Variants in DLG2 observed in about 807,000 individuals in gnomAD.
DLG2 encodes the protein discs large MAGUK scaffold protein 2, also known as disks large homolog 2.
A neutral mutation model predicts 132.5 loss-of-function variants in DLG2; 45 were observed. That is an observed-to-expected ratio of 0.34 (90% CI 0.27 to 0.44). DLG2 has a LOEUF of 0.44. Ranked by LOEUF, DLG2 falls within the 20% of genes least tolerant of loss-of-function variation. The pLI is 1.00. For missense variants in DLG2, 1,045 were observed against 1,196.9 expected, an observed-to-expected ratio of 0.87 and a Z score of 1.87; for synonymous variants, 424 against 419.6, an observed-to-expected ratio of 1.01 and a Z score of -0.13.
At chr11:85,484,668 G>C (rs915889438) in intron 3 of DLG2, among the ~76,000 whole-genome samples, 1 of 152,074 alleles carries the variant, frequency 6.6e-6, no homozygotes, top group African/African-American at 2.4e-5. Context: ...CCTCACGCCA[G>C]TTAGAATGGC....
At chr11:83,564,102 G>GTTTTTTTTT (rs5793072) in intron 19 of DLG2, among the ~76,000 whole-genome samples, 2 of 146,382 alleles carry the variant, frequency 1.4e-5, no homozygotes, top group African/African-American at 2.5e-5. Flanking sequence ...TTTTTCATGT[G>GTTTTTTTTT]TTTTTTTTTT....
intron 4 of DLG2, among the ~76,000 whole-genome samples, chr11:85,183,540 G>A (rs970287802): frequency 6.6e-6 from 1 of 151,854 alleles, no homozygotes; most frequent in African/African-American, 2.4e-5. Flanking sequence ...ACCATTGCCA[G>A]GGGGATTTAT....
At chr11:83,609,703 A>G (rs1467375682) in intron 19 of DLG2, among the ~76,000 whole-genome samples, 1 of 152,150 alleles carries the variant, frequency 6.6e-6, no homozygotes, top group Non-Finnish European at 1.5e-5. Context: ...ATAACCTGAA[A>G]TTTGAAATTC....
chr11:84,378,279 G>A (rs1348824711), intron 7 of DLG2, among the ~76,000 whole-genome samples: 1 of 152,088 alleles, frequency 6.6e-6, no homozygotes, highest in African/African-American at 2.4e-5. Flanking sequence ...TGGATGCACT[G>A]CATACACACA....
At chr11:84,549,376 T>G (rs1484323660) in intron 6 of DLG2, among the ~76,000 whole-genome samples, 1 of 152,216 alleles carries the variant, frequency 6.6e-6, no homozygotes, top group Non-Finnish European at 1.5e-5. Context: ...GTCTGACTAA[T>G]CCACCAGCTG....
At chr11:85,333,354 G>A (rs2081905669) in intron 3 of DLG2, among the ~76,000 whole-genome samples, 1 of 152,114 alleles carries the variant, frequency 6.6e-6, no homozygotes, top group Non-Finnish European at 1.5e-5. Context: ...AGACTATAGG[G>A]TTGTCTGGGT....
At chr11:84,861,731 A>C (rs2083727475) in intron 6 of DLG2, among the ~76,000 whole-genome samples, 1 of 151,610 alleles carries the variant, frequency 6.6e-6, no homozygotes, top group South Asian at 2.1e-4. Flanking sequence ...TAATATCCAG[A>C]ATCTATAAGG....
At chr11:84,610,878 T>C (rs1254573741) in intron 6 of DLG2, among the ~76,000 whole-genome samples, 1 of 152,114 alleles carries the variant, frequency 6.6e-6, no homozygotes, top group African/African-American at 2.4e-5. Flanking sequence ...CTGTTTCCTC[T>C]GCCTGAAATA....
intron 7 of DLG2, among the ~76,000 whole-genome samples, chr11:84,521,887 A>T (rs1286904279): frequency 6.6e-6 from 1 of 152,198 alleles, no homozygotes; most frequent in Non-Finnish European, 1.5e-5. Flanking sequence ...TGGGCTGGGC[A>T]TGGTGGCTCA....
At chr11:85,226,017 T>C (rs770780012) in intron 4 of DLG2, among the ~76,000 whole-genome samples, 3 of 152,072 alleles carry the variant, frequency 2.0e-5, no homozygotes, top group Non-Finnish European at 4.4e-5. Context: ...TTATCTCTGA[T>C]TCCTTCCTTA....
chr11:85,073,184 AC>A (rs2066104962), intron 6 of DLG2, among the ~76,000 whole-genome samples: 1 of 151,752 alleles, frequency 6.6e-6, no homozygotes, highest in Non-Finnish European at 1.5e-5. Context: ...ATACAGACAG[AC>A]CCCTAAACCT....
chr11:84,306,134 C>G (rs1028535286), intron 7 of DLG2, among the ~76,000 whole-genome samples: 6 of 149,646 alleles, frequency 4.0e-5, no homozygotes, highest in Admixed American at 2.7e-4. Flanking sequence ...AGATTTCACA[C>G]GTTTTTTTCA....
At chr11:84,390,032 G>A (rs2098786696) in intron 7 of DLG2, among the ~76,000 whole-genome samples, 1 of 152,032 alleles carries the variant, frequency 6.6e-6, no homozygotes, top group Admixed American at 6.6e-5. Context: ...TTTTAATATT[G>A]CCTTAAGTGG....
intron 2 of DLG2, among the ~76,000 whole-genome samples, chr11:85,611,711 C>A (rs1415068386): frequency 6.6e-6 from 1 of 152,238 alleles, no homozygotes; most frequent in Non-Finnish European, 1.5e-5. Context: ...CTTATCTAAT[C>A]CTACATGCCT....
intron 3 of DLG2, among the ~76,000 whole-genome samples, chr11:85,425,313 T>C (rs1050112995): frequency 5.9e-5 from 9 of 152,170 alleles, no homozygotes; most frequent in Admixed American, 1.3e-4. Context: ...AAAAGGTTAA[T>C]ACTTATAATT....
intron 16 of DLG2, among the ~76,000 whole-genome samples, chr11:83,846,491 T>C (rs985006989): frequency 1.3e-5 from 2 of 152,200 alleles, no homozygotes; most frequent in African/African-American, 4.8e-5. Flanking sequence ...TGCAATGAGG[T>C]TAATTAATAA....
intron 7 of DLG2, among the ~76,000 whole-genome samples, chr11:84,359,261 T>G (rs1015984463): frequency 6.6e-6 from 1 of 151,886 alleles, no homozygotes; most frequent in African/African-American, 2.4e-5. Flanking sequence ...TGAATCAATA[T>G]GCTGTTGTTC....
intron 12 of DLG2, among the ~76,000 whole-genome samples, chr11:83,975,035 G>A (rs1343751099): frequency 6.6e-6 from 1 of 151,980 alleles, no homozygotes; most frequent in Non-Finnish European, 1.5e-5. Flanking sequence ...ATGTGCCAAG[G>A]GGCTTTGTCA....
At chr11:84,496,840 A>G (rs1275081264) in intron 7 of DLG2, among the ~76,000 whole-genome samples, 2 of 152,108 alleles carry the variant, frequency 1.3e-5, no homozygotes, top group African/African-American at 2.4e-5. Context: ...TGTATTTTAA[A>G]TTTTCAGAGC....
Sources: gnomAD v4.1 joint callset for allele counts (sites outside exome capture counted in the v4.1 genomes callset) on GRCh38, gnomAD v4.1.1 for gene constraint, MANE v1.5 for transcripts, NCBI Gene and HGNC (gene_info 2026-07-23, HGNC 2026-07-21) for gene names.